Variants in DENND1A observed in about 807,000 individuals in gnomAD.
DENND1A encodes DENN domain containing 1A, also known as DENN domain-containing protein 1A.
Under a neutral mutation model 113.7 loss-of-function variants are expected in DENND1A, and 51 were observed. That is an observed-to-expected ratio of 0.45 (90% confidence interval 0.36 to 0.57). The LOEUF (loss-of-function observed/expected upper bound fraction) is 0.57. Ranked by LOEUF, DENND1A falls within the 20% of genes least tolerant of loss-of-function variation. The pLI is 0.00. For synonymous variants in DENND1A, 565 were observed against 570.8 expected, an observed-to-expected ratio of 0.99 and a Z score of 0.14; for missense variants, 1,258 against 1,395.9, an observed-to-expected ratio of 0.90 and a Z score of 1.57.
chr9:123,719,487 T>C (rs547277209), intron 5 of DENND1A, among the ~76,000 whole-genome samples: 1 of 152,326 alleles, frequency 6.6e-6, no homozygotes, highest in Admixed American at 6.5e-5. Context: ...TCTATTATCT[T>C]GTTTAATCAT....
At chr9:123,920,732 G>A (rs933855468) in intron 1 of DENND1A, among the ~76,000 whole-genome samples, 1 of 148,800 alleles carries the variant, frequency 6.7e-6, no homozygotes, top group Admixed American at 6.7e-5. Context: ...GCTAATTTTT[G>A]TAATTTTTTT....
chr9:123,538,821 T>C (rs1320289441), intron 13 of DENND1A, among the ~76,000 whole-genome samples: 4 of 77,804 alleles, frequency 5.1e-5, no homozygotes, highest in African/African-American at 1.5e-4. Context: ...TATATATATA[T>C]ATATATATAT....
intron 10 of DENND1A, among the ~76,000 whole-genome samples, chr9:123,611,046 G>C (rs577872712): frequency 6.6e-6 from 1 of 152,268 alleles, no homozygotes; most frequent in South Asian, 2.1e-4. Flanking sequence ...AATATGTCTT[G>C]GGAACATGTA....
Position 123,653,899 on chromosome 9 carries a change from T to TAAA in DENND1A, c.508-1779_508-1777dup, listed in dbSNP as rs113463548. Among the ~76,000 whole-genome samples the TAAA allele has an allele frequency of 1.2e-3, 167 of 137,574 alleles. 1 individual carries two copies. Among genetic ancestry groups the TAAA allele is most frequent in the African/African-American group, 4.3e-3 (159 of 37,272 alleles). 90.3% of individuals were successfully genotyped at this position (137,574 alleles called of 152,430 possible). A position where few individuals can be genotyped will look rare whatever the true frequency, so the allele number is the denominator to read the frequency against. On this transcript the variant is annotated intron_variant, in intron 8 of 23. Transcript: ENST00000394215. The stretch of plus-strand genomic sequence containing the variant: ...TCATCTCCATTATATAGATGAGAAA[T>TAAA]AAAAAAAAAAAAACTGGAGGCTCAG...
intron 2 of DENND1A, among the ~76,000 whole-genome samples, chr9:123,794,139 G>A (rs776470546): frequency 2.0e-5 from 3 of 152,204 alleles, no homozygotes; most frequent in East Asian, 3.8e-4. Context: ...CTCAGCCCTC[G>A]TGAGAGAGGA....
At chr9:123,558,408 A>G (rs998433148) in intron 12 of DENND1A, among the ~76,000 whole-genome samples, 2 of 152,242 alleles carry the variant, frequency 1.3e-5, no homozygotes, top group African/African-American at 4.8e-5. Context: ...ACTAATAGAC[A>G]TGTACTCAAG....
At chr9:123,737,017 G>A (rs1341089137) in intron 5 of DENND1A, among the ~76,000 whole-genome samples, 4 of 152,150 alleles carry the variant, frequency 2.6e-5, no homozygotes, top group African/African-American at 9.7e-5. Flanking sequence ...AATTTATTCG[G>A]TATTTTTTAA....
chr9:123,485,656 G>GCACA (rs77062893), intron 13 of DENND1A: 3,363 of 141,072 alleles, frequency 0.024, 58 homozygotes, highest in Middle Eastern at 0.039. Context: ...GCGCGCGCGC[G>GCACA]CACACACACA....
At chr9:123,871,170 A>G (rs779466291) in intron 2 of DENND1A, among the ~76,000 whole-genome samples, 20 of 151,912 alleles carry the variant, frequency 1.3e-4, no homozygotes, top group Non-Finnish European at 1.6e-4. Flanking sequence ...TGCAACATCT[A>G]CCTCCTGGAC....
At position 123,921,912 on chromosome 9, in the gene DENND1A, CTT is replaced by C. The variant is rs113646800; in HGVS notation, c.17+7975_17+7976del. Among the ~76,000 whole-genome samples, 722 of 143,760 alleles carry C rather than the reference CTT, an allele frequency of 5.0e-3. 5 individuals are homozygous for C. The highest frequency in any genetic ancestry group is 0.018 in the African/African-American group (701 of 39,000). The allele number at this position is 143,760 out of a possible 152,430, so 94.3% of individuals were successfully genotyped here. On this transcript the variant is annotated intron_variant, in intron 1 of 23. Transcript: ENST00000394215. Reference sequence around the variant, plus strand: ...CTACTTAAAATCTCTCAAAGCCATCCTTTTTTTTTTTTTTCTTTTTTCTTTTT... The same window carrying C: ...CTACTTAAAATCTCTCAAAGCCATCCTTTTTTTTTTTTCTTTTTTCTTTTT...
At chr9:123,603,679 C>T (rs1241825065) in intron 11 of DENND1A, among the ~76,000 whole-genome samples, 2 of 152,158 alleles carry the variant, frequency 1.3e-5, no homozygotes, top group Non-Finnish European at 2.9e-5. Flanking sequence ...CCTTGAACTA[C>T]CACATAGTAC....
intron 1 of DENND1A, among the ~76,000 whole-genome samples, chr9:123,916,815 A>G (rs1481077270): frequency 6.6e-6 from 1 of 152,206 alleles, no homozygotes; most frequent in Non-Finnish European, 1.5e-5. Context: ...TTGAAACAAT[A>G]TAAATATTTT....
At chr9:123,808,871 G>A (rs1236163719) in intron 2 of DENND1A, among the ~76,000 whole-genome samples, 2 of 152,144 alleles carry the variant, frequency 1.3e-5, no homozygotes, top group African/African-American at 2.4e-5. Flanking sequence ...TTCAGTGCCC[G>A]TCCTATGTGT....
chr9:123,768,862 A>T (rs1829270382), intron 4 of DENND1A, among the ~76,000 whole-genome samples: 1 of 151,356 alleles, frequency 6.6e-6, no homozygotes, highest in Admixed American at 6.6e-5. Flanking sequence ...AGAAAAAAAA[A>T]AAACCTCAGA....
At chr9:123,526,060 C>T (rs2054815186) in intron 13 of DENND1A, among the ~76,000 whole-genome samples, 1 of 152,048 alleles carries the variant, frequency 6.6e-6, no homozygotes, top group African/African-American at 2.4e-5. Context: ...TCAGCCACTC[C>T]ACCATTCTTT....
At chr9:123,590,440 G>A (rs547648606) in intron 11 of DENND1A, among the ~76,000 whole-genome samples, 1 of 152,266 alleles carries the variant, frequency 6.6e-6, no homozygotes, top group East Asian at 1.9e-4. Flanking sequence ...CCATCCACCA[G>A]CTGTGCCAAC....
At chr9:123,706,770 C>CAAA (rs575483682) in intron 5 of DENND1A, among the ~76,000 whole-genome samples, 8 of 53,564 alleles carry the variant, frequency 1.5e-4, no homozygotes, top group Admixed American at 8.1e-4. Flanking sequence ...GACTCCGTCT[C>CAAA]AAAAAAAAAA....
chr9:123,915,061 T>G (rs1854840532), intron 1 of DENND1A, among the ~76,000 whole-genome samples: 1 of 152,146 alleles, frequency 6.6e-6, no homozygotes, highest in Non-Finnish European at 1.5e-5. Flanking sequence ...GTTTCCATCC[T>G]GCCAACATGA....
intron 13 of DENND1A, among the ~76,000 whole-genome samples, chr9:123,494,892 A>G (rs1005597063): frequency 2.6e-5 from 4 of 152,042 alleles, no homozygotes; most frequent in Non-Finnish European, 4.4e-5. Context: ...CCCGGGTTGA[A>G]GCGATTCTCA....
Sources: gnomAD v4.1 joint callset for allele counts (sites outside exome capture counted in the v4.1 genomes callset) on GRCh38, gnomAD v4.1.1 for gene constraint, MANE v1.5 for transcripts, NCBI Gene and HGNC (gene_info 2026-07-23, HGNC 2026-07-21) for gene names.